Variants in MAD1L1 observed in about 807,000 individuals in gnomAD.
MAD1L1 encodes mitotic spindle assembly checkpoint protein MAD1.
In MAD1L1, 95 loss-of-function variants were observed where a neutral mutation model predicts 96.9. The ratio of observed to expected loss-of-function variants is 0.98; its 90% CI spans 0.83 to 1.16. The LOEUF (loss-of-function observed/expected upper bound fraction) is 1.16, where lower values mean the gene tolerates loss of function less well. MAD1L1 is among the 50% of genes most tolerant of loss of function. MAD1L1 has a pLI of 0.00. For missense variants in MAD1L1, 1,007 were observed against 954.4 expected (o/e 1.06, Z -0.73); for synonymous variants, 473 against 396.6 (o/e 1.19, Z -2.29).
At chr7:2,136,784 C>T (rs991950569) in intron 11 of MAD1L1, among the ~76,000 whole-genome samples, 5 of 152,222 alleles carry the variant, frequency 3.3e-5, no homozygotes, top group Admixed American at 3.3e-4. Flanking sequence ...CTCCAATCGC[C>T]TGATGGCACC....
Position 2,070,948 on chromosome 7 carries a change from TG to T in MAD1L1, c.1074-1611del, listed in dbSNP as rs201069664. Among the ~76,000 whole-genome samples, 27 of 149,306 alleles carry T rather than the reference TG, an allele frequency of 1.8e-4. 1 individual carries two copies. In the East Asian group the frequency reaches 4.6e-3, roughly 25 times the overall value. On this transcript the variant is annotated intron_variant, in intron 11 of 18. Transcript: ENST00000265854. ...GTTTGGGGAAGGGAAAGCTTCATCC[TG>T]GGGCTGGTGGATGGTGCTTTCTTGG...
chr7:1,887,032 CTT>C (rs1222076641), intron 18 of MAD1L1, among the ~76,000 whole-genome samples: 2 of 152,260 alleles, frequency 1.3e-5, no homozygotes, highest in Non-Finnish European at 2.9e-5. Context: ...CTCCACATCT[CTT>C]TTTCTAACAT....
chr7:2,171,599 C>T (rs113505757), intron 10 of MAD1L1, among the ~76,000 whole-genome samples: 5 of 151,690 alleles, frequency 3.3e-5, no homozygotes, highest in African/African-American at 1.2e-4. Flanking sequence ...AGATGGGCCA[C>T]GTATGGGTCA....
chr7:1,825,117 T>C (rs1336060124), intron 18 of MAD1L1, among the ~76,000 whole-genome samples: 1 of 152,154 alleles, frequency 6.6e-6, no homozygotes, highest in Non-Finnish European at 1.5e-5. Flanking sequence ...TTAGGAAAAA[T>C]GTATATCTAA....
At chr7:2,198,886 G>A (rs1465141279) in intron 10 of MAD1L1, among the ~76,000 whole-genome samples, 1 of 152,232 alleles carries the variant, frequency 6.6e-6, no homozygotes, top group Non-Finnish European at 1.5e-5. Context: ...TACAGAATAG[G>A]GTTCCAAAGC....
chr7:2,013,787 T>A (rs981840539), intron 13 of MAD1L1, among the ~76,000 whole-genome samples: 2 of 152,016 alleles, frequency 1.3e-5, no homozygotes, highest in African/African-American at 2.4e-5. Context: ...CCGGCCCCAG[T>A]GTAGATGAGA....
At chr7:2,166,274 C>A (rs6967879) in intron 10 of MAD1L1, among the ~76,000 whole-genome samples, 10,713 of 152,254 alleles carry the variant, frequency 0.07, 672 homozygotes, top group African/African-American at 0.16. Flanking sequence ...GCTGCAGGGA[C>A]ATGAGTTACA....
intron 13 of MAD1L1, among the ~76,000 whole-genome samples, chr7:2,006,377 G>A (rs1409857666): frequency 6.6e-6 from 1 of 152,212 alleles, no homozygotes; most frequent in Admixed American, 6.5e-5. Context: ...CACAATGCGT[G>A]CCTGTCCTGG....
intron 15 of MAD1L1, among the ~76,000 whole-genome samples, chr7:1,979,203 G>C (rs535555112): frequency 6.6e-6 from 1 of 152,314 alleles, no homozygotes; most frequent in Admixed American, 6.5e-5. Flanking sequence ...CACCAAAGCT[G>C]TGTGGCCTAG....
intron 17 of MAD1L1, among the ~76,000 whole-genome samples, chr7:1,929,162 C>T (rs924052154): frequency 2.6e-5 from 4 of 151,960 alleles, no homozygotes; most frequent in Non-Finnish European, 5.9e-5. Flanking sequence ...CCTCCCCTCC[C>T]GGGCCTCCCC....
intron 15 of MAD1L1, among the ~76,000 whole-genome samples, chr7:1,977,859 G>A (rs953912603): frequency 5.3e-5 from 8 of 152,236 alleles, no homozygotes; most frequent in African/African-American, 9.6e-5. Flanking sequence ...GCCGGGACAC[G>A]CTGACCTTCC....
intron 12 of MAD1L1, among the ~76,000 whole-genome samples, chr7:2,033,684 G>A (rs764287212): frequency 2.6e-5 from 4 of 152,346 alleles, no homozygotes; most frequent in Admixed American, 6.5e-5. Context: ...CACTCAGCAC[G>A]AGTGAGGCCA....
At chr7:2,210,571 C>T (rs924676338) in intron 10 of MAD1L1, among the ~76,000 whole-genome samples, 2 of 145,690 alleles carry the variant, frequency 1.4e-5, no homozygotes, top group Non-Finnish European at 3.0e-5. Flanking sequence ...GGACCGCCAG[C>T]CCGCATTCCC....
At chr7:1,820,871 G>C (rs1782085480) in intron 18 of MAD1L1, among the ~76,000 whole-genome samples, 1 of 152,058 alleles carries the variant, frequency 6.6e-6, no homozygotes, top group African/African-American at 2.4e-5. Flanking sequence ...CACGAGGTCA[G>C]GAGATCAAGA....
chr7:1,946,057 C>A (rs368830138), intron 16 of MAD1L1, among the ~76,000 whole-genome samples: 1 of 152,236 alleles, frequency 6.6e-6, no homozygotes, highest in East Asian at 1.9e-4. Flanking sequence ...GAAGGGCCAG[C>A]GGGTTGTACA....
Position 2,069,328 on chromosome 7 carries a change from GC to G in MAD1L1, c.1083del (p.Leu362TrpfsTer61). On this transcript the variant is annotated frameshift_variant, in exon 12 of 19. Transcript: ENST00000265854. LOFTEE classifies it high-confidence loss of function. Reference protein sequence around the residue: ...KNSAVTSSARGLEKARQQLQE... With the variant: ...KNSAVTSSARXLEKARQQLQE... ...TGCAGCTGCTGCCTGGCCTTCTCCA[GC>G]CCCCGGGCGCTGCATGGGAGAGACA... 5 of 1,597,920 alleles carry G rather than the reference GC, an allele frequency of 3.1e-6. No individual in the cohort carries two copies. Among genetic ancestry groups the G allele is most frequent in the Admixed American group, 1.7e-5 (1 of 58,742 alleles).
At chr7:2,030,809 GT>G (rs1290127163) in intron 12 of MAD1L1, among the ~76,000 whole-genome samples, 1 of 152,206 alleles carries the variant, frequency 6.6e-6, no homozygotes, top group Non-Finnish European at 1.5e-5. Context: ...TGTCAGACGC[GT>G]TTCTGTCCTC....
chr7:2,009,302 A>G (rs1782183562), intron 13 of MAD1L1, among the ~76,000 whole-genome samples: 1 of 152,212 alleles, frequency 6.6e-6, no homozygotes, highest in Non-Finnish European at 1.5e-5. Context: ...AGGCAGCCAC[A>G]GACCCCAGCA....
At chr7:1,948,633 C>T (rs1779343101) in intron 16 of MAD1L1, among the ~76,000 whole-genome samples, 1 of 152,220 alleles carries the variant, frequency 6.6e-6, no homozygotes, top group African/African-American at 2.4e-5. Context: ...GGGTCAGGGG[C>T]TCCTCCCATG....
Sources: gnomAD v4.1 joint callset for allele counts (sites outside exome capture counted in the v4.1 genomes callset) on GRCh38, gnomAD v4.1.1 for gene constraint, MANE v1.5 for transcripts, NCBI Gene and HGNC (gene_info 2026-07-23, HGNC 2026-07-21) for gene names.